CDC25B: variants seen among roughly 807,000 people sequenced by gnomAD.
CDC25B encodes the protein M-phase inducer phosphatase 2.
A neutral mutation model predicts 69.8 loss-of-function variants in CDC25B; 33 were observed. The ratio of observed to expected loss-of-function variants is 0.47; its 90% CI spans 0.36 to 0.63. CDC25B has a LOEUF of 0.63. Among genes scored for constraint, CDC25B ranks in the 30% least tolerant of loss-of-function variants. CDC25B has a pLI of 0.00. For synonymous variants in CDC25B, 341 were observed against 314.6 expected, an observed-to-expected ratio of 1.08 and a Z score of -0.89; for missense variants, 727 against 809.1, an observed-to-expected ratio of 0.90 and a Z score of 1.23.
At chr20:3,792,717 C>T (rs574314986), upstream of CDC25B, among the ~76,000 whole-genome samples, 56 of 152,170 alleles carry the variant, frequency 3.7e-4, no homozygotes, top group African/African-American at 1.3e-3. Flanking sequence ...CCACCTGCCT[C>T]GGCCTCCCAA....
In CDC25B at chr20:3,796,579, A is replaced by C; in HGVS notation, c.48A>C (p.Pro16=). 1 of 1,462,426 alleles carries C rather than the reference A, an allele frequency of 6.8e-7. No homozygotes were observed. The highest frequency in any genetic ancestry group is 9.0e-7 in the Non-Finnish European group (1 of 1,112,800). The allele number at this position is 1,462,426 out of a possible 1,614,324, so 90.6% of individuals were successfully genotyped here. A position where few individuals can be genotyped will look rare whatever the true frequency, so the allele number is the denominator to read the frequency against. Reference sequence around the variant, plus strand: ...CCGCGCCAGGCTCGGCTCTCAGTCCAGCAGGCGTGTGCGGTGGCGCCCAGC... The same window carrying C: ...CCGCGCCAGGCTCGGCTCTCAGTCCCGCAGGCGTGTGCGGTGGCGCCCAGC... The part of the protein sequence containing the change: ...PEPAPGSALS[P]AGVCGGAQRP... Residue 16 remains proline (P), a synonymous_variant, in exon 1 of 16, where the codon CCA becomes CCC. Transcript: ENST00000245960.
intron 1 of CDC25B, among the ~76,000 whole-genome samples, chr20:3,797,101 A>C (rs2089085112): frequency 6.6e-6 from 1 of 152,226 alleles, no homozygotes; most frequent in Admixed American, 6.5e-5. Flanking sequence ...TAAGGGTGGC[A>C]GAGCCGTGGA....
chr20:3,793,081 G>T (rs560247643), upstream of CDC25B, among the ~76,000 whole-genome samples: 1 of 152,232 alleles, frequency 6.6e-6, no homozygotes, highest in Non-Finnish European at 1.5e-5. Flanking sequence ...ATAATATTTT[G>T]AATACATTAC....
chr20:3,802,317 G>A lies in CDC25B; in HGVS notation c.1135G>A (p.Asp379Asn), dbSNP rs531304165. The A allele has an allele frequency of 7.5e-6, 12 of 1,610,184 alleles. No homozygotes were observed. In the South Asian group the frequency reaches 7.7e-5, roughly 10 times the overall value. ...RVLRSKSLCHDEIENLLDSDH... is the reference protein window; with the variant it reads ...RVLRSKSLCHNEIENLLDSDH... ...CCTCCGCTCAAAATCACTGTGTCAC[G>A]ATGAGATCGAGAACCTCCTGGACAG... is the stretch of plus-strand genomic sequence containing the variant. Residue 379 changes from aspartate to asparagine, a missense_variant, in exon 11 of 16, where the codon GAT becomes AAT. This residue lies in a region of CDC25B where 359 missense variants were observed against 463.4 expected (regional missense o/e 0.77). Coordinates refer to ENST00000245960, the MANE Select transcript of CDC25B (RefSeq NM_021873.4).
intron 1 of CDC25B, among the ~76,000 whole-genome samples, chr20:3,791,041 G>T (rs972372833): frequency 3.3e-5 from 5 of 152,126 alleles, no homozygotes; most frequent in Non-Finnish European, 7.4e-5. Context: ...AAGTCCATTT[G>T]CTATGATCTC....
At chr20:3,789,047 C>T (rs2146646892) in intron 1 of CDC25B, among the ~76,000 whole-genome samples, 1 of 152,312 alleles carries the variant, frequency 6.6e-6, no homozygotes, top group South Asian at 2.1e-4. Flanking sequence ...TGCACGGGGC[C>T]CATTTCCATC....
At position 3,802,269 on chromosome 20, in the gene CDC25B, C is replaced by T. The variant is rs1228528822; in HGVS notation, c.1099-12C>T. On this transcript the variant is annotated splice_polypyrimidine_tract_variant and intron_variant, in intron 10 of 15. Coordinates refer to ENST00000245960, the MANE Select transcript of CDC25B (RefSeq NM_021873.4). ...CACCCTGACCCTGGCCTCCATCTGA[C>T]TCACTTTCCAGAAAGCCCGCGTCCT... 1 of 1,609,080 alleles carries T rather than the reference C, an allele frequency of 6.2e-7. No homozygotes were observed. The highest frequency in any genetic ancestry group is 8.5e-7 in the Non-Finnish European group (1 of 1,178,038).
rs976170302 is a variant in CDC25B at position 3,806,049 on chromosome 20, G to C, written c.*1088G>C. 1.5e-5 allele frequency: 6 copies of C among 397,894 alleles called. No individual in the cohort carries two copies. The highest frequency in any genetic ancestry group is 6.2e-5 in the African/African-American group (3 of 48,646). The allele number at this position is 397,894 out of a possible 1,614,324, so 24.6% of individuals were successfully genotyped here. On this transcript the variant is annotated 3_prime_UTR_variant, in exon 16 of 16. Transcript: ENST00000245960. ...AATCTCAAGATGGGGGCAGGGCTGT[G>C]CTTGAAGGCCCTGCTGAGTCATCTG...
rs1306485106 is a variant in CDC25B at position 3,800,205 on chromosome 20, C to T, written c.381-83C>T. 1.4e-5 allele frequency: 8 copies of T among 559,378 alleles called. No homozygotes were observed. The East Asian group carries it at 5.5e-4, about 38-fold the overall frequency. The allele number at this position is 559,378 out of a possible 1,614,324, so 34.7% of individuals were successfully genotyped here. A position where few individuals can be genotyped will look rare whatever the true frequency, so the allele number is the denominator to read the frequency against. ...TTGGCCCTTGTCTTTGCCCTTACTC[C>T]CCCCTGGACTGGGGGCCTGGTGCTG... On this transcript the variant is annotated intron_variant, in intron 3 of 15. Coordinates refer to ENST00000245960, the MANE Select transcript of CDC25B (RefSeq NM_021873.4).
upstream of CDC25B, chr20:3,795,789 A>T (rs2089013997): frequency 1.0e-6 from 1 of 985,480 alleles, no homozygotes; most frequent in Non-Finnish European, 1.2e-6. Context: ...CTGCGCGGTC[A>T]GAGGCGCCTG....
chr20:3,793,056 T>C (rs1178596644), upstream of CDC25B, among the ~76,000 whole-genome samples: 1 of 152,234 alleles, frequency 6.6e-6, no homozygotes, highest in Non-Finnish European at 1.5e-5. Flanking sequence ...TTAATTTATA[T>C]TGATAACATG....
At position 3,803,893 on chromosome 20, in the gene CDC25B, T is replaced by A. The variant is rs2089381158; in HGVS notation, c.1490+356T>A. On this transcript the variant is annotated intron_variant, in intron 14 of 15. Transcript: ENST00000245960. This position sits in a 1 kb window ranked among gnomAD's most constrained non-coding sequence, Gnocchi z 4.9. The stretch of plus-strand genomic sequence containing the variant: ...GTGCTGTTAGGTCTCCATTAGAACC[T>A]CTTCCATTGGCATCCACAGCACCTG... 6.6e-6 allele frequency among the ~76,000 whole-genome samples: 1 copy of A among 152,190 alleles called. No homozygotes were observed. Among genetic ancestry groups the A allele is most frequent in the African/African-American group, 2.4e-5 (1 of 41,440 alleles).
Position 3,805,688 on chromosome 20 carries a change from AG to A in CDC25B, c.*730del, listed in dbSNP as rs1212544537. Reference sequence around the variant, plus strand: ...GATGTTATTATCCTTGGGGGCTCCCAGGGCAAGGGTTAAGGCCTGAATCATG... The same window carrying A: ...GATGTTATTATCCTTGGGGGCTCCCAGGCAAGGGTTAAGGCCTGAATCATG... On this transcript the variant is annotated 3_prime_UTR_variant, in exon 16 of 16. Transcript: ENST00000245960. 5.0e-6 allele frequency: 2 copies of A among 402,532 alleles called. No individual in the cohort carries two copies. Among genetic ancestry groups the A allele is most frequent in the African/African-American group, 4.1e-5 (2 of 48,734 alleles). 24.9% of individuals were successfully genotyped at this position (402,532 alleles called of 1,614,324 possible). A position where few individuals can be genotyped will look rare whatever the true frequency, so the allele number is the denominator to read the frequency against.
Position 3,796,663 on chromosome 20 carries a change from G to A in CDC25B, c.132G>A (p.Val44=). 3 of 1,506,416 alleles carry A rather than the reference G, an allele frequency of 2.0e-6. No individual in the cohort carries two copies. Among genetic ancestry groups the A allele is most frequent in the Non-Finnish European group, 2.6e-6 (3 of 1,137,154 alleles). The allele number at this position is 1,506,416 out of a possible 1,614,324, so 93.3% of individuals were successfully genotyped here. ...CTCATGGCCTCCTGGGGTCCCCGGT[G>A]CGGGCGGCCGCTTCCTCGCCGGTCA... ...LGSHGLLGSP[V]RAAASSPVTT... is the part of the protein sequence containing the mutation. Residue 44 remains valine (V), a synonymous_variant, in exon 1 of 16, where the codon GTG becomes GTA. Coordinates refer to ENST00000245960, the MANE Select transcript of CDC25B (RefSeq NM_021873.4).
chr20:3,791,096 C>CTG (rs2088908160), intron 1 of CDC25B, among the ~76,000 whole-genome samples: 1 of 152,196 alleles, frequency 6.6e-6, no homozygotes, highest in African/African-American at 2.4e-5. Context: ...GCAGGCATCC[C>CTG]CACCTGACTG....
chr20:3,802,998 G>C (rs577399712), intron 12 of CDC25B, 26 bp downstream of exon 12: 1 of 1,609,566 alleles, frequency 6.2e-7, no homozygotes, highest in South Asian at 1.1e-5. Context: ...TCATTTTCTA[G>C]GCAGATTTGG....
chr20:3,803,135 A>G lies in CDC25B; in HGVS notation c.1285A>G (p.Ser429Gly), dbSNP rs2089346488. Residue 429 changes from serine (S) to glycine (G), a missense_variant, in exon 13 of 16, where the codon AGC (serine) becomes GGC (glycine). By Grantham distance (56) the Ser-to-Gly change is moderately conservative (BLOSUM62 0). Coordinates refer to ENST00000245960, the MANE Select transcript of CDC25B (RefSeq NM_021873.4). The surrounding 1 kb of genome is among the most constrained non-coding windows in gnomAD (Gnocchi z 4.9). Reference sequence around the variant, plus strand: ...GGTGGCCCTATTGACGGGCAAGTTCAGCAACATCGTGGATAAGTTTGTGAT... The same window carrying G: ...GGTGGCCCTATTGACGGGCAAGTTCGGCAACATCGTGGATAAGTTTGTGAT... ...TMVALLTGKF[S>G]NIVDKFVIVD... is the part of the protein sequence containing the mutation. 6.2e-7 allele frequency: 1 copy of G among 1,614,052 alleles called. No homozygotes were observed. Among genetic ancestry groups the G allele is most frequent in the East Asian group, 2.2e-5 (1 of 44,888 alleles).
At chr20:3,796,775 G>A in intron 1 of CDC25B, 44 bp downstream of exon 1, 1 of 1,525,590 alleles carries the variant, frequency 6.6e-7, no homozygotes, top group East Asian at 2.5e-5. Context: ...GAGAGGCTAG[G>A]TCTGGAGTCC....
In CDC25B at chr20:3,800,721, GCC is replaced by G; in HGVS notation, c.460-21_460-20del. The G allele has an allele frequency of 1.4e-6, 2 of 1,402,410 alleles. No homozygotes were observed. The highest frequency in any genetic ancestry group is 2.0e-6 in the Non-Finnish European group (2 of 1,001,488). 86.9% of individuals were successfully genotyped at this position (1,402,410 alleles called of 1,614,324 possible). ...GAATGCAGCCTTCATTCCTCTGCCT[GCC>G]GCCCTGCCTGGCTCTCTAGGTGAGG... On this transcript the variant is annotated intron_variant, in intron 5 of 15. Transcript: ENST00000245960.
Sources: allele counts gnomAD v4.1 joint callset (sites outside exome capture counted in the v4.1 genomes callset), GRCh38; gene constraint gnomAD v4.1.1; regional missense constraint gnomAD v4.1.1; non-coding constraint Gnocchi (gnomAD v3.1); transcripts MANE v1.5; gene names NCBI Gene and HGNC (gene_info 2026-07-23, HGNC 2026-07-21).